The following AUTS2 variants were observed in gnomAD, a reference collection of about 807,000 sequenced individuals.
The protein encoded by AUTS2 is activator of transcription and developmental regulator AUTS2.
Under a neutral mutation model 112.4 loss-of-function variants are expected in AUTS2, and 17 were observed. The ratio of observed to expected loss-of-function variants is 0.15; its 90% confidence interval spans 0.10 to 0.23. The LOEUF is 0.23. AUTS2 is among the 10% of genes least tolerant of loss of function. The pLI is 1.00. For missense variants in AUTS2, 1,510 were observed against 1,701.6 expected (o/e 0.89, Z 1.98); for synonymous variants, 751 against 702.7 (o/e 1.07, Z -1.09).
chr7:70,230,690 C>T (rs905557943), intron 4 of AUTS2, among the ~76,000 whole-genome samples: 5 of 152,212 alleles, frequency 3.3e-5, no homozygotes, highest in Non-Finnish European at 5.9e-5. Context: ...TCCAGGCCAT[C>T]AGAGATAAGT....
chr7:70,691,545 C>A (rs1188725755), intron 5 of AUTS2, among the ~76,000 whole-genome samples: 2 of 152,138 alleles, frequency 1.3e-5, no homozygotes, highest in Non-Finnish European at 2.9e-5. Context: ...CTGTTGTGTA[C>A]CTGGTCCCCT....
intron 5 of AUTS2, among the ~76,000 whole-genome samples, chr7:70,510,324 T>C (rs1023881246): frequency 6.6e-6 from 1 of 152,230 alleles, no homozygotes; most frequent in African/African-American, 2.4e-5. Flanking sequence ...TCTCATTCCA[T>C]TAGATTTTCA....
chr7:70,045,286 A>G (rs1801449086), intron 2 of AUTS2, among the ~76,000 whole-genome samples: 1 of 152,192 alleles, frequency 6.6e-6, no homozygotes, highest in African/African-American at 2.4e-5. Context: ...GATTGTAGAC[A>G]CTAGCCACAT....
chr7:69,919,691 G>A (rs560780069), intron 2 of AUTS2, among the ~76,000 whole-genome samples: 1 of 152,112 alleles, frequency 6.6e-6, no homozygotes, highest in Non-Finnish European at 1.5e-5. Context: ...GTACCAGAAT[G>A]CAGATGTTGT....
chr7:70,062,589 A>G (rs1802304627), intron 2 of AUTS2, among the ~76,000 whole-genome samples: 1 of 151,992 alleles, frequency 6.6e-6, no homozygotes, highest in Admixed American at 6.6e-5. Flanking sequence ...GCAATTTGAT[A>G]TCCTTAGCTA....
chr7:69,701,502 T>C (rs903479156), intron 1 of AUTS2, among the ~76,000 whole-genome samples: 4 of 152,148 alleles, frequency 2.6e-5, no homozygotes, highest in African/African-American at 9.7e-5. Flanking sequence ...AACGCAAGGC[T>C]GGTTGTCGTC....
At position 70,648,357 on chromosome 7, in the gene AUTS2, C is replaced by T. The variant is rs747694395; in HGVS notation, c.691-50212C>T. Among the ~76,000 whole-genome samples, 11 of 152,156 alleles carry T rather than the reference C, an allele frequency of 7.2e-5. 1 individual carries two copies. The highest frequency in any genetic ancestry group is 5.2e-4 in the Admixed American group (8 of 15,280). On this transcript the variant is annotated intron_variant, in intron 5 of 18. Coordinates refer to ENST00000342771, the MANE Select transcript of AUTS2 (RefSeq NM_015570.4). Reference sequence around the variant, plus strand: ...GACTTCAGCTTTCTCATCTGCAGCACGAGGGAGAGGAATGGGCTGAGGCTT... The same window carrying T: ...GACTTCAGCTTTCTCATCTGCAGCATGAGGGAGAGGAATGGGCTGAGGCTT...
At chr7:70,673,154 G>A (rs1807733557) in intron 5 of AUTS2, among the ~76,000 whole-genome samples, 1 of 152,130 alleles carries the variant, frequency 6.6e-6, no homozygotes, top group Non-Finnish European at 1.5e-5. Flanking sequence ...CCCAACGCGA[G>A]TGACCTACAT....
intron 1 of AUTS2, among the ~76,000 whole-genome samples, chr7:69,649,749 T>C (rs1332098872): frequency 1.3e-5 from 2 of 151,280 alleles, no homozygotes; most frequent in African/African-American, 4.9e-5. Context: ...AGATGAGGGT[T>C]ATAGAGAATA....
intron 4 of AUTS2, among the ~76,000 whole-genome samples, chr7:70,427,438 T>G (rs538810602): frequency 6.6e-6 from 1 of 152,198 alleles, no homozygotes; most frequent in Non-Finnish European, 1.5e-5. Flanking sequence ...CTTCCTTTCT[T>G]AGAGGAAAAC....
intron 5 of AUTS2, among the ~76,000 whole-genome samples, chr7:70,693,558 C>A (rs1169121305): frequency 6.6e-6 from 1 of 152,224 alleles, no homozygotes; most frequent in Non-Finnish European, 1.5e-5. Flanking sequence ...AGGTGAAGAC[C>A]TTTGTGTCTG....
At chr7:69,790,162 G>A (rs1201040971) in intron 1 of AUTS2, among the ~76,000 whole-genome samples, 1 of 152,028 alleles carries the variant, frequency 6.6e-6, no homozygotes, top group African/African-American at 2.4e-5. Context: ...GTGGTGGCAC[G>A]TGCCTGTAGT....
At chr7:70,492,763 C>T (rs1798302526) in intron 5 of AUTS2, among the ~76,000 whole-genome samples, 1 of 152,120 alleles carries the variant, frequency 6.6e-6, no homozygotes, top group South Asian at 2.1e-4. Flanking sequence ...AGACGAAAGG[C>T]CTTGGCTTGG....
intron 3 of AUTS2, among the ~76,000 whole-genome samples, chr7:70,130,621 C>G (rs780677476): frequency 1.3e-5 from 2 of 151,846 alleles, no homozygotes; most frequent in Non-Finnish European, 2.9e-5. Flanking sequence ...GAAAGCTCTC[C>G]TTTACAATAT....
At chr7:70,467,750 T>C (rs1156667790) in intron 5 of AUTS2, among the ~76,000 whole-genome samples, 1 of 152,218 alleles carries the variant, frequency 6.6e-6, no homozygotes, top group African/African-American at 2.4e-5. Context: ...AGCACTGGCA[T>C]CTTACAGGCC....
chr7:69,978,455 A>G (rs758010292), intron 2 of AUTS2, among the ~76,000 whole-genome samples: 1 of 152,254 alleles, frequency 6.6e-6, no homozygotes, highest in Non-Finnish European at 1.5e-5. Flanking sequence ...GAGCTATTCA[A>G]TCCAACGAGA....
intron 1 of AUTS2, among the ~76,000 whole-genome samples, chr7:69,681,069 T>C (rs1796769875): frequency 6.6e-6 from 1 of 152,276 alleles, no homozygotes; most frequent in Non-Finnish European, 1.5e-5. Flanking sequence ...TCAAAGTTCA[T>C]GTACCATATG....
intron 4 of AUTS2, among the ~76,000 whole-genome samples, chr7:70,221,217 T>C (rs1055086908): frequency 6.6e-6 from 1 of 152,254 alleles, no homozygotes; most frequent in Non-Finnish European, 1.5e-5. Flanking sequence ...TGCTTTATTA[T>C]ATATCTGTCC....
chr7:70,256,144 C>T (rs1435905715), intron 4 of AUTS2, among the ~76,000 whole-genome samples: 1 of 152,126 alleles, frequency 6.6e-6, no homozygotes, highest in South Asian at 2.1e-4. Flanking sequence ...TAATCTAGTA[C>T]GAGTCCCTGA....
Sources: allele counts gnomAD v4.1 joint callset (sites outside exome capture counted in the v4.1 genomes callset), GRCh38; gene constraint gnomAD v4.1.1; transcripts MANE v1.5; gene names NCBI Gene and HGNC (gene_info 2026-07-23, HGNC 2026-07-21).